MBNL2: variants seen among roughly 807,000 people sequenced by gnomAD.
MBNL2 encodes muscleblind-like protein 2.
MBNL2 carries 17 observed loss-of-function variants against 41.9 expected under a neutral mutation model. The ratio of observed to expected loss-of-function variants is 0.41; its 90% CI spans 0.28 to 0.61. The LOEUF is 0.61. MBNL2 is among the 20% of genes least tolerant of loss of function. The pLI is 0.35. For synonymous variants in MBNL2, 195 were observed against 182.9 expected (o/e 1.07, Z -0.53); for missense variants, 336 against 505.6 (o/e 0.66, Z 3.22).
At chr13:97,381,335 C>G (rs1174475630) in intron 8 of MBNL2, among the ~76,000 whole-genome samples, 1 of 152,038 alleles carries the variant, frequency 6.6e-6, no homozygotes, top group Non-Finnish European at 1.5e-5. Flanking sequence ...GCTTTTCTCC[C>G]TTTGATGCCT....
intron 5 of MBNL2, among the ~76,000 whole-genome samples, chr13:97,356,594 C>A (rs1359261207): frequency 2.0e-5 from 3 of 152,104 alleles, no homozygotes; most frequent in Admixed American, 6.5e-5. Context: ...ATATTCATTT[C>A]TTTAGAGAAC....
At position 97,393,281 on chromosome 13, in the gene MBNL2, T is replaced by A. The variant is rs1205013995; in HGVS notation, c.*1832T>A. The A allele has an allele frequency of 1.3e-5, 2 of 152,494 alleles. No homozygotes were observed. The highest frequency in any genetic ancestry group is 2.9e-5 in the Non-Finnish European group (2 of 67,916). The allele number at this position is 152,494 out of a possible 1,614,324, so 9.4% of individuals were successfully genotyped here. A position where few individuals can be genotyped will look rare whatever the true frequency, so the allele number is the denominator to read the frequency against. ...AACTTGTTTTCTTTTTTCTGTTTTT[T>A]TCTTTGTTAATTCATTTAAACTCAT... is the stretch of plus-strand genomic sequence containing the variant. On this transcript the variant is annotated 3_prime_UTR_variant, in exon 9 of 9. Coordinates refer to ENST00000679496, the MANE Select transcript of MBNL2 (RefSeq NM_001382683.1).
chr13:97,151,745 T>C, the MBNL2 span, among the ~76,000 whole-genome samples: 1 of 152,152 alleles, frequency 6.6e-6, no homozygotes, highest in African/African-American at 2.4e-5. Context: ...TCCCCCTTCT[T>C]TGTTTGATGC....
chr13:97,354,039 C>CA (rs61536908), intron 5 of MBNL2, among the ~76,000 whole-genome samples: 41,035 of 101,626 alleles, frequency 0.4, 8,018 homozygotes, highest in African/African-American at 0.61. Flanking sequence ...GTCCTCAATC[C>CA]AAAAAAAAAA....
the MBNL2 span, among the ~76,000 whole-genome samples, chr13:97,204,751 G>T: frequency 6.6e-6 from 1 of 152,066 alleles, no homozygotes; most frequent in Non-Finnish European, 1.5e-5. Flanking sequence ...TCCCTTCAGT[G>T]CTGGGTCCCC....
At chr13:97,249,567 G>T (rs376374154) in intron 1 of MBNL2, among the ~76,000 whole-genome samples, 3 of 152,256 alleles carry the variant, frequency 2.0e-5, no homozygotes, top group African/African-American at 7.2e-5. Context: ...ATTTATTTTA[G>T]CATTTCCTGT....
chr13:97,303,547 G>A (rs1566404665), intron 2 of MBNL2, among the ~76,000 whole-genome samples: 2 of 152,184 alleles, frequency 1.3e-5, no homozygotes. Flanking sequence ...CATGCAGGCT[G>A]CACCAGTGAT....
chr13:97,383,151 C>T (rs1031500267), intron 8 of MBNL2, among the ~76,000 whole-genome samples: 2 of 152,186 alleles, frequency 1.3e-5, no homozygotes, highest in Non-Finnish European at 2.9e-5. Context: ...ACAAGATTCC[C>T]ATCTCAGCAT....
chr13:97,267,146 A>G (rs990503752), intron 1 of MBNL2, among the ~76,000 whole-genome samples: 1 of 152,236 alleles, frequency 6.6e-6, no homozygotes, highest in Non-Finnish European at 1.5e-5. Flanking sequence ...CCTGGGGTCC[A>G]CAGCCCCAGC....
At chr13:97,162,861 G>T in the MBNL2 span, among the ~76,000 whole-genome samples, 2 of 152,212 alleles carry the variant, frequency 1.3e-5, no homozygotes, top group African/African-American at 4.8e-5. Context: ...AATGGGAGAA[G>T]ACTATAGACT....
the MBNL2 span, among the ~76,000 whole-genome samples, chr13:97,160,766 G>A: frequency 6.6e-6 from 1 of 152,184 alleles, no homozygotes. Flanking sequence ...ATTAGCATGG[G>A]TGCAGCCAGA....
chr13:97,214,374 A>G, the MBNL2 span, among the ~76,000 whole-genome samples: 1 of 152,228 alleles, frequency 6.6e-6, no homozygotes, highest in Non-Finnish European at 1.5e-5. Flanking sequence ...CTCATCCTGT[A>G]CCATATTTCA....
chr13:97,167,739 CAG>C, the MBNL2 span, among the ~76,000 whole-genome samples: 1 of 152,116 alleles, frequency 6.6e-6, no homozygotes. Flanking sequence ...TCCTGTCTTT[CAG>C]AGTCTTTTGT....
intron 8 of MBNL2, among the ~76,000 whole-genome samples, chr13:97,370,054 A>G (rs1217991610): frequency 6.6e-6 from 1 of 152,266 alleles, no homozygotes; most frequent in East Asian, 1.9e-4. Flanking sequence ...CATATATTCT[A>G]TTATATACTA....
At position 97,340,597 on chromosome 13, in the gene MBNL2, G is replaced by A. The variant is rs989730262; in HGVS notation, c.340-2419G>A. 5.9e-5 allele frequency among the ~76,000 whole-genome samples: 9 copies of A among 152,130 alleles called. No homozygotes were observed. In the East Asian group the frequency reaches 1.7e-3, roughly 29 times the overall value. ...TGTTCTGCCCAACCCTTTCAGCTAA[G>A]TAGTTTCACTTACTCATTGCAGATA... On this transcript the variant is annotated intron_variant, in intron 3 of 8. Transcript: ENST00000679496.
At chr13:97,325,429 G>A (rs1217854689) in intron 2 of MBNL2, among the ~76,000 whole-genome samples, 5 of 152,168 alleles carry the variant, frequency 3.3e-5, no homozygotes, top group African/African-American at 9.7e-5. Context: ...CAACCAAAAT[G>A]CATTTAAAAT....
intron 1 of MBNL2, among the ~76,000 whole-genome samples, chr13:97,228,951 C>T (rs2042029124): frequency 6.6e-6 from 1 of 151,350 alleles, no homozygotes; most frequent in Non-Finnish European, 1.5e-5. Flanking sequence ...AAATAGTAGT[C>T]CTCAAACCTC....
the MBNL2 span, among the ~76,000 whole-genome samples, chr13:97,174,800 G>T: frequency 6.6e-6 from 1 of 152,020 alleles, no homozygotes; most frequent in Non-Finnish European, 1.5e-5. Context: ...TCTAGACTCT[G>T]GAATACTAAG....
chr13:97,244,879 C>G (rs887948077), intron 1 of MBNL2, among the ~76,000 whole-genome samples: 1 of 152,144 alleles, frequency 6.6e-6, no homozygotes, highest in South Asian at 2.1e-4. Context: ...AATCTAATTA[C>G]TGAAGAGCTT....
Sources: gnomAD v4.1 joint callset for allele counts (sites outside exome capture counted in the v4.1 genomes callset) on GRCh38, gnomAD v4.1.1 for gene constraint, MANE v1.5 for transcripts, NCBI Gene and HGNC (gene_info 2026-07-23, HGNC 2026-07-21) for gene names.